The following TM9SF3 variants were observed in gnomAD, a reference collection of about 807,000 sequenced individuals.
The protein encoded by TM9SF3 is transmembrane 9 superfamily member 3.
TM9SF3 carries 14 observed loss-of-function variants against 78.6 expected under a neutral mutation model. The ratio of observed to expected loss-of-function variants is 0.18; its 90% CI spans 0.12 to 0.28. TM9SF3 has a LOEUF of 0.28. Among genes scored for constraint, TM9SF3 ranks in the 10% least tolerant of loss-of-function variants. The pLI is 1.00. For synonymous variants in TM9SF3, 231 were observed against 241.7 expected (o/e 0.96, Z 0.41); for missense variants, 496 against 721.9 (o/e 0.69, Z 3.59).
In TM9SF3 at chr10:96,586,978, C is replaced by G. The variant is rs1395271065; in HGVS notation, c.-143G>C. The G allele has an allele frequency of 6.9e-6, 4 of 581,706 alleles. No individual in the cohort carries two copies. The highest frequency in any genetic ancestry group is 5.3e-5 in the Admixed American group (1 of 18,848). 36.0% of individuals were successfully genotyped at this position (581,706 alleles called of 1,614,324 possible). ...CGGGGCCCGGCCCAGCCGCTGCCTC[C>G]TCTGCCGCCGCCGTCGCCGTCACCG... On this transcript the variant is annotated 5_prime_UTR_variant, in exon 1 of 15. Transcript: ENST00000371142.
intron 9 of TM9SF3, among the ~76,000 whole-genome samples, chr10:96,538,538 T>C (rs1847985448): frequency 6.6e-6 from 1 of 152,164 alleles, no homozygotes; most frequent in African/African-American, 2.4e-5. Context: ...ACCAGTAAAT[T>C]AGACTTTAAA....
At chr10:96,532,001 T>C (rs1564928584) in intron 10 of TM9SF3, among the ~76,000 whole-genome samples, 1 of 151,858 alleles carries the variant, frequency 6.6e-6, no homozygotes, top group South Asian at 2.1e-4. Flanking sequence ...ACGAGGTTAG[T>C]AGATCGAGAC....
intron 9 of TM9SF3, chr10:96,543,559 C>CA (rs1444395954): frequency 6.6e-6 from 1 of 151,918 alleles, no homozygotes; most frequent in African/African-American, 2.4e-5. Context: ...AGGATGGTCT[C>CA]AATCTCCTGA....
Position 96,519,562 on chromosome 10 carries a change from C to T in TM9SF3, c.*2701G>A, listed in dbSNP as rs1047348773. On this transcript the variant is annotated 3_prime_UTR_variant, in exon 15 of 15. Transcript: ENST00000371142. ...CAGGAGAAGCATGCTTAAAGATACA[C>T]AAGGAATGTTTAGCCTTAGTTTTTG... 14 of 151,942 alleles carry T rather than the reference C, an allele frequency of 9.2e-5. No individual in the cohort carries two copies. The highest frequency in any genetic ancestry group is 3.4e-4 in the African/African-American group (14 of 41,428). The allele number at this position is 151,942 out of a possible 1,614,324, so 9.4% of individuals were successfully genotyped here.
intron 9 of TM9SF3, 80 bp downstream of exon 9, chr10:96,543,993 TAAG>T: frequency 7.2e-7 from 1 of 1,392,010 alleles, no homozygotes; most frequent in Non-Finnish European, 9.7e-7. Flanking sequence ...AAACATCTAA[TAAG>T]AAGTATTTTG....
chr10:96,562,640 A>C (rs562962442), intron 3 of TM9SF3, among the ~76,000 whole-genome samples: 38 of 152,296 alleles, frequency 2.5e-4, no homozygotes, highest in African/African-American at 8.9e-4. Context: ...AAAACTTAAC[A>C]TGTCTCCTTT....
At chr10:96,548,675 A>G (rs1564932731) in intron 7 of TM9SF3, among the ~76,000 whole-genome samples, 1 of 151,726 alleles carries the variant, frequency 6.6e-6, no homozygotes, top group African/African-American at 2.4e-5. Flanking sequence ...GCAGGTGCCT[A>G]TAATTCCAAT....
intron 5 of TM9SF3, among the ~76,000 whole-genome samples, chr10:96,555,842 CCT>C (rs1444614580): frequency 1.3e-5 from 2 of 151,990 alleles, no homozygotes; most frequent in African/African-American, 2.4e-5. Flanking sequence ...TTGTTCCCAC[CCT>C]GAGATGTTAA....
intron 14 of TM9SF3, among the ~76,000 whole-genome samples, chr10:96,523,473 T>C (rs1482906399): frequency 6.6e-6 from 1 of 151,864 alleles, no homozygotes; most frequent in Non-Finnish European, 1.5e-5. Context: ...TATGGAAGTA[T>C]TCCAGCTAAC....
chr10:96,564,385 T>C (rs1430093129), intron 3 of TM9SF3, among the ~76,000 whole-genome samples: 2 of 152,174 alleles, frequency 1.3e-5, no homozygotes, highest in African/African-American at 4.8e-5. Flanking sequence ...CAGCACATCT[T>C]CCTACCACTG....
chr10:96,530,847 A>C (rs1343750601), intron 10 of TM9SF3, among the ~76,000 whole-genome samples: 1 of 152,230 alleles, frequency 6.6e-6, no homozygotes, highest in Non-Finnish European at 1.5e-5. Context: ...TATGAAGAAC[A>C]CAAATTACTG....
chr10:96,586,249 A>G (rs1443355878), intron 1 of TM9SF3, among the ~76,000 whole-genome samples: 5 of 152,216 alleles, frequency 3.3e-5, no homozygotes, highest in Non-Finnish European at 7.3e-5. Context: ...GATAAAAGCC[A>G]AAGGAGACCA....
chr10:96,579,474 T>A (rs151221620), intron 1 of TM9SF3, among the ~76,000 whole-genome samples: 1 of 152,252 alleles, frequency 6.6e-6, no homozygotes, highest in Non-Finnish European at 1.5e-5. Context: ...ATTTATTTTA[T>A]ACAAATTAAA....
chr10:96,524,732 T>TA lies in TM9SF3; in HGVS notation c.1703-2403dup, dbSNP rs201470693. Among the ~76,000 whole-genome samples, 1,207 of 151,870 alleles carry TA rather than the reference T, an allele frequency of 7.9e-3. 20 individuals carry two copies. Among genetic ancestry groups the TA allele is most frequent in the African/African-American group, 0.028 (1,150 of 41,436 alleles). On this transcript the variant is annotated intron_variant, in intron 14 of 14. Transcript: ENST00000371142. Reference sequence around the variant, plus strand: ...TTAATGTAGTCATTTTTTCCTACATTAAAAAAAATCAACAAATATTTTTGT... The same window carrying TA: ...TTAATGTAGTCATTTTTTCCTACATTAAAAAAAAATCAACAAATATTTTTGT...
chr10:96,556,531 T>C (rs1848236181), intron 5 of TM9SF3, among the ~76,000 whole-genome samples: 1 of 152,180 alleles, frequency 6.6e-6, no homozygotes, highest in South Asian at 2.1e-4. Flanking sequence ...GTACAGTACA[T>C]CATATCCCTT....
Position 96,576,745 on chromosome 10 carries a change from G to A in TM9SF3, c.187C>T (p.Leu63Phe), listed in dbSNP as rs1424188145. The change falls in exon 2 of 15, where the codon CTT (leucine) becomes TTT (phenylalanine). Residue 63 changes from leucine (L) to phenylalanine (F), a missense_variant. Transcript: ENST00000371142. ...TTTTTTGACCCCACACAGAATGGAA[G>A]TGAAAAGTACTTATATGTTTCTTGA... Reference protein sequence around the residue: ...NRQETYKYFSLPFCVGSKKSI... With the variant: ...NRQETYKYFSFPFCVGSKKSI... The A allele has an allele frequency of 1.9e-6, 3 of 1,610,536 alleles. No homozygotes were observed. Among genetic ancestry groups the A allele is most frequent in the South Asian group, 2.2e-5 (2 of 90,566 alleles).
In TM9SF3 at chr10:96,548,217, G is replaced by A. The variant is rs554428771; in HGVS notation, c.960-228C>T. ...CTGATCCTAATTTTTTTATCCTGCA[G>A]TTAAATGTTATGATATATTCTAAGC... On this transcript the variant is annotated intron_variant, in intron 7 of 14. Transcript: ENST00000371142. Among the ~76,000 whole-genome samples the A allele has an allele frequency of 2.6e-5, 4 of 152,218 alleles. No individual in the cohort carries two copies. In the South Asian group the frequency reaches 8.3e-4, roughly 32 times the overall value.
chr10:96,576,040 G>C (rs1564940571), intron 2 of TM9SF3, among the ~76,000 whole-genome samples: 1 of 152,088 alleles, frequency 6.6e-6, no homozygotes, highest in Non-Finnish European at 1.5e-5. Flanking sequence ...GTATTAACAG[G>C]ATAAATTAAT....
At chr10:96,554,332 T>C (rs1220738088) in intron 5 of TM9SF3, among the ~76,000 whole-genome samples, 1 of 152,190 alleles carries the variant, frequency 6.6e-6, no homozygotes, top group Non-Finnish European at 1.5e-5. Context: ...AAAGAAGACA[T>C]GTTCCAGTTC....
Sources: allele counts gnomAD v4.1 joint callset (sites outside exome capture counted in the v4.1 genomes callset), GRCh38; gene constraint gnomAD v4.1.1; transcripts MANE v1.5; gene names NCBI Gene and HGNC (gene_info 2026-07-23, HGNC 2026-07-21).